The following TAOK3 variants were observed in gnomAD, a reference collection of about 807,000 sequenced individuals.
The protein encoded by TAOK3 is TAO kinase 3, also known as serine/threonine-protein kinase TAO3.
Under a neutral mutation model 120.4 loss-of-function variants are expected in TAOK3, and 40 were observed. The observed-to-expected ratio is 0.33, with a 90% CI of 0.26 to 0.43. TAOK3 has a LOEUF of 0.43. Ranked by LOEUF, TAOK3 falls within the 20% of genes least tolerant of loss-of-function variation. The pLI, the probability that TAOK3 is intolerant of heterozygous loss-of-function variation, is 1.00. For missense variants in TAOK3, 821 were observed against 1,112.1 expected (o/e 0.74, Z 3.72); for synonymous variants, 355 against 387.5 (o/e 0.92, Z 0.99).
chr12:118,286,467 AAAAAATGCTC>A (rs1350676300), intron 1 of TAOK3, among the ~76,000 whole-genome samples: 3 of 152,198 alleles, frequency 2.0e-5, no homozygotes, highest in Non-Finnish European at 4.4e-5. Context: ...CAAACATATG[AAAAAATGCTC>A]AACATCACTA....
chr12:118,170,497 C>T (rs930164726), intron 17 of TAOK3, among the ~76,000 whole-genome samples: 2 of 152,210 alleles, frequency 1.3e-5, no homozygotes, highest in African/African-American at 4.8e-5. Flanking sequence ...TGTGGTGGCT[C>T]ATGCCTGTAA....
At chr12:118,361,083 G>A (rs909151957) in intron 1 of TAOK3, among the ~76,000 whole-genome samples, 10 of 152,174 alleles carry the variant, frequency 6.6e-5, no homozygotes, top group Admixed American at 6.5e-5. Context: ...AACATCAGAA[G>A]CTTGATTTGA....
intron 1 of TAOK3, among the ~76,000 whole-genome samples, chr12:118,343,558 G>A (rs2044721825): frequency 6.6e-6 from 1 of 152,082 alleles, no homozygotes; most frequent in Admixed American, 6.6e-5. Flanking sequence ...ATATGTGCAG[G>A]GAACTGTATG....
At chr12:118,303,845 G>A (rs955018516) in intron 1 of TAOK3, among the ~76,000 whole-genome samples, 4 of 152,122 alleles carry the variant, frequency 2.6e-5, no homozygotes, top group Non-Finnish European at 4.4e-5. Flanking sequence ...ATGGGGTTTC[G>A]CCATGTTGGC....
chr12:118,301,052 A>G (rs991474700), intron 1 of TAOK3, among the ~76,000 whole-genome samples: 4 of 152,232 alleles, frequency 2.6e-5, no homozygotes, highest in African/African-American at 9.6e-5. Flanking sequence ...CTGGGATTAC[A>G]GGCGTGAGCC....
chr12:118,163,178 G>A (rs2035334184), intron 17 of TAOK3, among the ~76,000 whole-genome samples: 1 of 152,216 alleles, frequency 6.6e-6, no homozygotes, highest in Admixed American at 6.5e-5. Context: ...GTAGTCATCT[G>A]CTGCTATGAG....
At chr12:118,195,910 T>C (rs353895) in intron 13 of TAOK3, among the ~76,000 whole-genome samples, 106,285 of 151,758 alleles carry the variant, frequency 0.7, 37,268 homozygotes, top group South Asian at 0.72. Context: ...ATTAGCCAGG[T>C]GTGGTGGCAG....
chr12:118,237,719 G>C (rs151005904), intron 7 of TAOK3, among the ~76,000 whole-genome samples: 1 of 152,086 alleles, frequency 6.6e-6, no homozygotes, highest in East Asian at 1.9e-4. Flanking sequence ...AATAGGAAAG[G>C]GACAATAACT....
chr12:118,365,829 G>GGCAT, intron 1 of TAOK3, among the ~76,000 whole-genome samples: 1 of 152,260 alleles, frequency 6.6e-6, no homozygotes, highest in Non-Finnish European at 1.5e-5. Flanking sequence ...AGATGATGGA[G>GGCAT]GCATATTACT....
chr12:118,332,955 A>C (rs879582155), intron 1 of TAOK3, among the ~76,000 whole-genome samples: 2 of 135,186 alleles, frequency 1.5e-5, no homozygotes, highest in Non-Finnish European at 3.1e-5. Flanking sequence ...TTAAATGTAC[A>C]TGCACCAAAC....
At chr12:118,338,941 G>C (rs1441836896) in intron 1 of TAOK3, among the ~76,000 whole-genome samples, 1 of 152,004 alleles carries the variant, frequency 6.6e-6, no homozygotes, top group African/African-American at 2.4e-5. Context: ...TCCAAGCAAA[G>C]AGAATAGAAC....
At chr12:118,163,268 A>C (rs533861042) in intron 17 of TAOK3, among the ~76,000 whole-genome samples, 1 of 152,306 alleles carries the variant, frequency 6.6e-6, no homozygotes, top group Admixed American at 6.5e-5. Context: ...CTGATGCCTA[A>C]GTTACTTACT....
intron 1 of TAOK3, among the ~76,000 whole-genome samples, chr12:118,369,396 C>G (rs1398329699): frequency 6.6e-6 from 1 of 152,148 alleles, no homozygotes; most frequent in African/African-American, 2.4e-5. Context: ...CTCTCTTTAA[C>G]GTCTCTGGAT....
At chr12:118,350,510 T>C (rs562197958) in intron 1 of TAOK3, among the ~76,000 whole-genome samples, 3 of 152,310 alleles carry the variant, frequency 2.0e-5, no homozygotes, top group Admixed American at 6.5e-5. Flanking sequence ...GCAATTGTTA[T>C]TGTTGTTGTC....
At chr12:118,262,555 G>A (rs988983009) in intron 2 of TAOK3, among the ~76,000 whole-genome samples, 25 of 151,986 alleles carry the variant, frequency 1.6e-4, no homozygotes, top group South Asian at 1.2e-3. Context: ...GGCCGGGTGC[G>A]GTGGCTCACG....
At chr12:118,276,112 T>C (rs1187041297) in intron 1 of TAOK3, among the ~76,000 whole-genome samples, 2 of 152,214 alleles carry the variant, frequency 1.3e-5, no homozygotes, top group Non-Finnish European at 2.9e-5. Context: ...ATGCCACTTC[T>C]GTGTTTAAAA....
chr12:118,152,506 G>T, intron 19 of TAOK3, 97 bp from the exon 20 acceptor site: 1 of 1,300,770 alleles, frequency 7.7e-7, no homozygotes, highest in Non-Finnish European at 1.0e-6. Flanking sequence ...TTCCTCATTT[G>T]GATTGAAATT....
intron 1 of TAOK3, among the ~76,000 whole-genome samples, chr12:118,279,049 C>A (rs1315887117): frequency 2.0e-5 from 3 of 152,142 alleles, no homozygotes; most frequent in African/African-American, 7.2e-5. Context: ...TCTTGATCAC[C>A]ACAGGTGATC....
intron 13 of TAOK3, chr12:118,190,486 C>G (rs139968653): frequency 6.6e-6 from 1 of 152,578 alleles, no homozygotes; most frequent in Non-Finnish European, 1.5e-5. Context: ...TGGGAAGATT[C>G]GGCAGTCACT....
Sources: allele counts gnomAD v4.1 joint callset (sites outside exome capture counted in the v4.1 genomes callset), GRCh38; gene constraint gnomAD v4.1.1; transcripts MANE v1.5; gene names NCBI Gene and HGNC (gene_info 2026-07-23, HGNC 2026-07-21).